DPYS: variants seen among roughly 807,000 people sequenced by gnomAD.
DPYS encodes the protein dihydropyrimidinase.
In DPYS, 39 loss-of-function variants were observed where a neutral mutation model predicts 50.3. The ratio of observed to expected loss-of-function variants is 0.78; its 90% CI spans 0.60 to 1.01. The LOEUF (loss-of-function observed/expected upper bound fraction) is 1.01, where lower values mean the gene tolerates loss of function less well. Among genes scored for constraint, DPYS ranks in the 50% least tolerant of loss-of-function variants. The probability of loss-of-function intolerance (pLI) is 0.00; values close to 1 mark genes in which losing one functional copy is unlikely to be tolerated. For missense variants in DPYS, 659 were observed against 680.9 expected, an observed-to-expected ratio of 0.97 and a Z score of 0.36; for synonymous variants, 245 against 250.7, an observed-to-expected ratio of 0.98 and a Z score of 0.22.
intron 7 of DPYS, among the ~76,000 whole-genome samples, chr8:104,398,708 G>A (rs955222688): frequency 6.6e-6 from 1 of 152,228 alleles, no homozygotes; most frequent in African/African-American, 2.4e-5. Flanking sequence ...AGGCCCTGGA[G>A]AGAGGTGAGT....
intron 7 of DPYS, chr8:104,419,565 C>T (rs1203969731): frequency 6.6e-6 from 1 of 152,218 alleles, no homozygotes; most frequent in East Asian, 1.9e-4. Flanking sequence ...TCCAGGTCAA[C>T]ACCAGTAGTG....
chr8:104,466,693 GC>G lies in DPYS; in HGVS notation c.227del (p.Gly76AlafsTer22). On this transcript the variant is annotated frameshift_variant, in exon 1 of 10. Coordinates refer to ENST00000351513, the MANE Select transcript of DPYS (RefSeq NM_001385.3). LOFTEE classifies it high-confidence loss of function. ...GGTGGAAGTCGTCGATGGACCGCGA[GC>G]CCATGAAGGGGAACTGCATGTGCGT... Reference protein sequence around the residue: ...THTHMQFPFMGSRSIDDFHQG... With the variant: ...THTHMQFPFMXSRSIDDFHQG... 1 of 1,529,858 alleles carries G rather than the reference GC, an allele frequency of 6.5e-7. No individual in the cohort carries two copies. The allele number at this position is 1,529,858 out of a possible 1,614,324, so 94.8% of individuals were successfully genotyped here.
chr8:104,421,726 C>A (rs1042215382), intron 7 of DPYS, among the ~76,000 whole-genome samples: 1 of 152,030 alleles, frequency 6.6e-6, no homozygotes, highest in East Asian at 1.9e-4. Context: ...TTTAGTTTGA[C>A]CTTAAGTTAG....
chr8:104,428,767 T>C (rs1276395910), intron 5 of DPYS, among the ~76,000 whole-genome samples: 1 of 152,186 alleles, frequency 6.6e-6, no homozygotes, highest in Non-Finnish European at 1.5e-5. Flanking sequence ...AACTCTTAGC[T>C]TGAGACTGAG....
intron 7 of DPYS, among the ~76,000 whole-genome samples, chr8:104,409,191 C>T (rs943598366): frequency 2.6e-5 from 4 of 151,822 alleles, no homozygotes; most frequent in African/African-American, 9.7e-5. Flanking sequence ...CAGTCACAAA[C>T]TAAATGTGCA....
chr8:104,396,598 A>C (rs550052231), intron 7 of DPYS, among the ~76,000 whole-genome samples: 1 of 152,292 alleles, frequency 6.6e-6, no homozygotes, highest in Non-Finnish European at 1.5e-5. Context: ...CAATGGAAAA[A>C]CTGGTGATAG....
chr8:104,422,373 C>G (rs1812577427), intron 7 of DPYS, among the ~76,000 whole-genome samples: 1 of 152,174 alleles, frequency 6.6e-6, no homozygotes, highest in South Asian at 2.1e-4. Context: ...ATAAAGTGCT[C>G]TGCTTTGCTA....
In DPYS at chr8:104,429,537, A is replaced by G; in HGVS notation, c.950+8T>C. On this transcript the variant is annotated splice_region_variant and intron_variant, in intron 5 of 9. Transcript: ENST00000351513. ...AATACACTTCCCAGTCATCTGCAAA[A>G]TGATTACTTAGCCAACAGATTCATG... 1 of 1,613,986 alleles carries G rather than the reference A, an allele frequency of 6.2e-7. No individual in the cohort carries two copies. The highest frequency in any genetic ancestry group is 1.7e-4 in the Middle Eastern group (1 of 6,052).
intron 4 of DPYS, among the ~76,000 whole-genome samples, chr8:104,436,074 G>A (rs2853169): frequency 0.91 from 138,018 of 152,036 alleles, 63,215 homozygotes; most frequent in Middle Eastern, 0.98. Context: ...CTTAGGTGGT[G>A]TTGATGCTAG....
At chr8:104,425,675 A>G (rs1422850099) in intron 6 of DPYS, among the ~76,000 whole-genome samples, 1 of 152,138 alleles carries the variant, frequency 6.6e-6, no homozygotes, top group South Asian at 2.1e-4. Flanking sequence ...ATTTTATGCA[A>G]TTGAAGTTTT....
At chr8:104,451,119 T>A (rs1813720955) in intron 2 of DPYS, 127 bp downstream of exon 2, 1 of 1,197,270 alleles carries the variant, frequency 8.4e-7, no homozygotes, top group African/African-American at 1.5e-5. Context: ...GAATATGCAA[T>A]GAAAAGTCTT....
intron 7 of DPYS, among the ~76,000 whole-genome samples, chr8:104,397,697 A>C (rs1811640176): frequency 1.3e-5 from 2 of 152,244 alleles, no homozygotes; most frequent in Admixed American, 6.5e-5. Flanking sequence ...TAATAAGCAC[A>C]CAGCTCAGTA....
chr8:104,384,033 C>G (rs760604354), intron 8 of DPYS, among the ~76,000 whole-genome samples: 1 of 152,130 alleles, frequency 6.6e-6, no homozygotes, highest in Non-Finnish European at 1.5e-5. Flanking sequence ...CTGGCTGGGT[C>G]TAACCTGCAC....
At chr8:104,389,379 C>T (rs2140513020) in intron 8 of DPYS, among the ~76,000 whole-genome samples, 1 of 152,194 alleles carries the variant, frequency 6.6e-6, no homozygotes, top group East Asian at 1.9e-4. Context: ...TATTTTTATC[C>T]TGTAAGTTGT....
rs758302200 is a variant in DPYS, at chr8:104,447,435, A to G, written c.492T>C (p.Tyr164=). The G allele has an allele frequency of 1.2e-6, 2 of 1,614,004 alleles. No homozygotes were observed. Among genetic ancestry groups the G allele is most frequent in the African/African-American group, 2.7e-5 (2 of 74,902 alleles). Residue 164 remains tyrosine (Y), a synonymous_variant, in exon 3 of 10, where the codon TAT becomes TAC. Transcript: ENST00000351513. ...GVNSFKMFMA[Y]KDLYMVTDLE... The stretch of plus-strand genomic sequence containing the variant: ...GGTCTGTCACCATGTACAGATCTTT[A>G]TAGGCCATAAACATCTTGAAAGAGT...
Position 104,466,690 on chromosome 8 carries a change from C to T in DPYS, c.231G>A (p.Ser77=), listed in dbSNP as rs1243389361. The T allele has an allele frequency of 6.5e-6, 10 of 1,528,706 alleles. No homozygotes were observed. Among genetic ancestry groups the T allele is most frequent in the African/African-American group, 1.4e-5 (1 of 71,174 alleles). 94.7% of individuals were successfully genotyped at this position (1,528,706 alleles called of 1,614,324 possible). The change falls in exon 1 of 10, where the codon TCG becomes TCA. Residue 77 remains serine (S), a synonymous_variant. Coordinates refer to ENST00000351513, the MANE Select transcript of DPYS (RefSeq NM_001385.3). ...HTHMQFPFMG[S]RSIDDFHQGT... ...CCTGGTGGAAGTCGTCGATGGACCG[C>T]GAGCCCATGAAGGGGAACTGCATGT...
intron 4 of DPYS, among the ~76,000 whole-genome samples, chr8:104,433,564 G>A (rs573660958): frequency 6.6e-6 from 1 of 152,174 alleles, no homozygotes; most frequent in East Asian, 1.9e-4. Context: ...AACCCAAAAG[G>A]TAGAGGGTGC....
intron 7 of DPYS, among the ~76,000 whole-genome samples, chr8:104,414,425 T>G (rs893761365): frequency 5.9e-5 from 9 of 152,058 alleles, no homozygotes; most frequent in African/African-American, 2.2e-4. Flanking sequence ...GGTCTGAGAG[T>G]TGGCATTTCT....
chr8:104,432,122 T>C (rs1412028375), intron 4 of DPYS, among the ~76,000 whole-genome samples: 3 of 152,194 alleles, frequency 2.0e-5, no homozygotes, highest in African/African-American at 7.2e-5. Flanking sequence ...TCTTCATCAT[T>C]AATCTCCTCC....
Sources: allele counts gnomAD v4.1 joint callset (sites outside exome capture counted in the v4.1 genomes callset), GRCh38; gene constraint gnomAD v4.1.1; transcripts MANE v1.5; gene names NCBI Gene and HGNC (gene_info 2026-07-23, HGNC 2026-07-21).